The following TCF4 variants were observed in gnomAD, a reference collection of about 807,000 sequenced individuals.
TCF4 encodes SL3-3 enhancer factor 2.
TCF4 carries 3 observed loss-of-function variants against 82.1 expected under a neutral mutation model. That is an observed-to-expected ratio of 0.04 (90% CI 0.02 to 0.09). The LOEUF is 0.09. Ranked by LOEUF, TCF4 falls within the 10% of genes least tolerant of loss-of-function variation. The probability of loss-of-function intolerance (pLI) is 1.00; values close to 1 mark genes in which losing one functional copy is unlikely to be tolerated. For synonymous variants in TCF4, 276 were observed against 309.6 expected, an observed-to-expected ratio of 0.89 and a Z score of 1.14; for missense variants, 518 against 852.7, an observed-to-expected ratio of 0.61 and a Z score of 4.89.
chr18:55,299,895 A>G (rs1568828117), intron 8 of TCF4, among the ~76,000 whole-genome samples: 1 of 152,170 alleles, frequency 6.6e-6, no homozygotes, highest in Non-Finnish European at 1.5e-5. Flanking sequence ...ATGGGAGATG[A>G]GTCTCCAACA....
At chr18:55,282,988 T>C (rs1568679453) in intron 8 of TCF4, among the ~76,000 whole-genome samples, 1 of 152,104 alleles carries the variant, frequency 6.6e-6, no homozygotes, top group Non-Finnish European at 1.5e-5. Flanking sequence ...TAGTAACCTA[T>C]TTGTTGAGTA....
chr18:55,330,561 G>A (rs2077369536), intron 8 of TCF4, among the ~76,000 whole-genome samples: 1 of 151,562 alleles, frequency 6.6e-6, no homozygotes, highest in Admixed American at 6.6e-5. Flanking sequence ...AATGTATTGT[G>A]TCCACTACAT....
intron 8 of TCF4, among the ~76,000 whole-genome samples, chr18:55,310,610 G>A (rs1160140105): frequency 6.6e-6 from 1 of 152,178 alleles, no homozygotes; most frequent in Non-Finnish European, 1.5e-5. Context: ...GCAGTGGCAG[G>A]GAGAGAGGTC....
At chr18:55,331,377 A>G (rs1204276156) in intron 8 of TCF4, among the ~76,000 whole-genome samples, 2 of 152,264 alleles carry the variant, frequency 1.3e-5, no homozygotes, top group African/African-American at 4.8e-5. Flanking sequence ...AACTAGGCAT[A>G]GGCATCTACC....
chr18:55,519,269 C>G (rs1312175585), intron 3 of TCF4, among the ~76,000 whole-genome samples: 1 of 151,558 alleles, frequency 6.6e-6, no homozygotes, highest in African/African-American at 2.4e-5. Flanking sequence ...CATGTCTCTA[C>G]AAAAAAATAC....
chr18:55,456,557 G>A (rs2095759155), intron 5 of TCF4, among the ~76,000 whole-genome samples: 2 of 152,092 alleles, frequency 1.3e-5, no homozygotes, highest in Non-Finnish European at 2.9e-5. Flanking sequence ...GCTTTCAATC[G>A]ATGCTCTGGA....
At chr18:55,567,481 G>C (rs974313702) in intron 3 of TCF4, among the ~76,000 whole-genome samples, 7 of 152,176 alleles carry the variant, frequency 4.6e-5, no homozygotes, top group African/African-American at 1.7e-4. Context: ...AATCAACAGA[G>C]GTGGGTGGAT....
At chr18:55,449,555 G>A (rs1479955704) in intron 5 of TCF4, among the ~76,000 whole-genome samples, 1 of 152,192 alleles carries the variant, frequency 6.6e-6, no homozygotes, top group African/African-American at 2.4e-5. Context: ...AAGAGTTTAT[G>A]CTTATATTTG....
In TCF4 at chr18:55,363,024, T is replaced by G. The variant is rs531428416; in HGVS notation, c.370-12021A>C. Among the ~76,000 whole-genome samples, 196 of 152,256 alleles carry G rather than the reference T, an allele frequency of 1.3e-3. 1 individual carries two copies. Among genetic ancestry groups the G allele is most frequent in the African/African-American group, 4.3e-3 (178 of 41,542 alleles). On this transcript the variant is annotated intron_variant, in intron 6 of 19. Transcript: ENST00000354452. Reference sequence around the variant, plus strand: ...TAAATGTGATTGGATGACTCAAAATTAAAGGAGACTTTAATGCAAATTCAA... The same window carrying G: ...TAAATGTGATTGGATGACTCAAAATGAAAGGAGACTTTAATGCAAATTCAA...
At chr18:55,324,209 T>C (rs1295770558) in intron 8 of TCF4, among the ~76,000 whole-genome samples, 1 of 152,196 alleles carries the variant, frequency 6.6e-6, no homozygotes, top group African/African-American at 2.4e-5. Context: ...GAGTCTAAGA[T>C]TTCAAAAGCA....
At chr18:55,374,024 A>G (rs1480125060) in intron 6 of TCF4, among the ~76,000 whole-genome samples, 1 of 152,170 alleles carries the variant, frequency 6.6e-6, no homozygotes, top group Non-Finnish European at 1.5e-5. Flanking sequence ...ACATTTTATT[A>G]AAGTGGGACT....
chr18:55,289,859 C>A (rs1357285664), intron 8 of TCF4, among the ~76,000 whole-genome samples: 1 of 148,674 alleles, frequency 6.7e-6, no homozygotes, highest in African/African-American at 2.5e-5. Context: ...GTTGCAGAAA[C>A]AATAAGGTAA....
chr18:55,465,816 T>C (rs1477686385), intron 3 of TCF4, among the ~76,000 whole-genome samples: 1 of 152,198 alleles, frequency 6.6e-6, no homozygotes, highest in African/African-American at 2.4e-5. Flanking sequence ...CTTTTAAAAG[T>C]CTGGCGCATC....
chr18:55,622,082 T>C (rs550076522), intron 2 of TCF4, among the ~76,000 whole-genome samples: 173 of 140,142 alleles, frequency 1.2e-3, no homozygotes, highest in African/African-American at 4.3e-3. Flanking sequence ...AATATATATA[T>C]ACACACTATT....
chr18:55,244,231 T>C (rs2052301853), intron 15 of TCF4, among the ~76,000 whole-genome samples: 1 of 152,282 alleles, frequency 6.6e-6, no homozygotes, highest in South Asian at 2.1e-4. Flanking sequence ...ACTGCTTCGG[T>C]ACGGGTCTTG....
intron 15 of TCF4, among the ~76,000 whole-genome samples, chr18:55,244,121 G>GT (rs1197939241): frequency 1.3e-5 from 2 of 152,272 alleles, no homozygotes; most frequent in East Asian, 3.9e-4. Flanking sequence ...CCAGCTCCCA[G>GT]GGGAGGAGGC....
chr18:55,326,394 G>A (rs77563935), intron 8 of TCF4, among the ~76,000 whole-genome samples: 2 of 88,712 alleles, frequency 2.3e-5, no homozygotes, highest in African/African-American at 4.7e-5. Flanking sequence ...GCCTTAAAGA[G>A]CAGCAGCAAA....
At chr18:55,419,802 T>C (rs1241091335) in intron 5 of TCF4, among the ~76,000 whole-genome samples, 2 of 152,158 alleles carry the variant, frequency 1.3e-5, no homozygotes, top group Non-Finnish European at 2.9e-5. Context: ...ATGGGAAAGT[T>C]TGCAAGGGAA....
intron 3 of TCF4, among the ~76,000 whole-genome samples, chr18:55,580,488 C>T (rs752816308): frequency 1.8e-4 from 27 of 151,906 alleles, no homozygotes; most frequent in Admixed American, 7.9e-4. Context: ...TTTAAAATAT[C>T]TACTGTATTT....
Sources: gnomAD v4.1 joint callset for allele counts (sites outside exome capture counted in the v4.1 genomes callset) on GRCh38, gnomAD v4.1.1 for gene constraint, MANE v1.5 for transcripts, NCBI Gene and HGNC (gene_info 2026-07-23, HGNC 2026-07-21) for gene names.